Variants in BLTP3A observed in about 807,000 individuals in gnomAD.
The protein encoded by BLTP3A is bridge-like lipid transfer protein family member 3A.
the BLTP3A span, among the ~76,000 whole-genome samples, chr6:34,822,749 C>G: frequency 6.6e-6 from 1 of 150,952 alleles, no homozygotes; most frequent in Non-Finnish European, 1.5e-5. Flanking sequence ...CCCAGCTACT[C>G]GGGAGGCTGG....
At chr6:34,830,424 TA>T in the BLTP3A span, among the ~76,000 whole-genome samples, 2 of 151,428 alleles carry the variant, frequency 1.3e-5, no homozygotes, top group Admixed American at 6.6e-5. Context: ...CCATCTCTAC[TA>T]AAAAAAATAA....
chr6:34,807,631 A>C, the BLTP3A span, among the ~76,000 whole-genome samples: 1 of 152,352 alleles, frequency 6.6e-6, no homozygotes, highest in African/African-American at 2.4e-5. Context: ...AGAGTGCTGC[A>C]AGTCATGGGC....
At chr6:34,793,445 C>T in the BLTP3A span, among the ~76,000 whole-genome samples, 1 of 152,148 alleles carries the variant, frequency 6.6e-6, no homozygotes, top group East Asian at 1.9e-4. Flanking sequence ...ACTGATGTTT[C>T]TTTCTGGGTC....
At chr6:34,806,663 A>G in the BLTP3A span, among the ~76,000 whole-genome samples, 1 of 151,992 alleles carries the variant, frequency 6.6e-6, no homozygotes, top group Non-Finnish European at 1.5e-5. Context: ...TGGATAACCT[A>G]TTCTCCCCCC....
chr6:34,864,080 G>A, the BLTP3A span: 4 of 1,613,900 alleles, frequency 2.5e-6, no homozygotes, highest in African/African-American at 1.3e-5. Flanking sequence ...TTTTCTCCAT[G>A]AAGAGGACGG....
the BLTP3A span, among the ~76,000 whole-genome samples, chr6:34,825,610 G>T: frequency 7.2e-5 from 11 of 152,242 alleles, no homozygotes; most frequent in African/African-American, 2.6e-4. Context: ...TGCAGTCTCC[G>T]GCCTCTTTTC....
chr6:34,849,317 C>T, the BLTP3A span, among the ~76,000 whole-genome samples: 4 of 151,990 alleles, frequency 2.6e-5, no homozygotes, highest in African/African-American at 9.7e-5. Flanking sequence ...GCCACTGTGC[C>T]CAGCCAGTTT....
At chr6:34,816,803 C>T in the BLTP3A span, among the ~76,000 whole-genome samples, 1 of 152,034 alleles carries the variant, frequency 6.6e-6, no homozygotes, top group East Asian at 1.9e-4. Flanking sequence ...TGCGGTTGGA[C>T]AGGAGGAGAC....
chr6:34,864,343 G>T, the BLTP3A span: 1 of 873,850 alleles, frequency 1.1e-6, no homozygotes, highest in Non-Finnish European at 1.7e-6. Flanking sequence ...GAGAGACAGA[G>T]AAATTTTGGT....
the BLTP3A span, chr6:34,876,774 C>G: frequency 6.6e-6 from 1 of 152,254 alleles, no homozygotes; most frequent in East Asian, 1.9e-4. Context: ...TAGGATTATT[C>G]CCATGCACCT....
At chr6:34,792,935 A>C in the BLTP3A span, among the ~76,000 whole-genome samples, 12 of 152,150 alleles carry the variant, frequency 7.9e-5, no homozygotes, top group Non-Finnish European at 1.8e-4. Flanking sequence ...CCCAGCACCC[A>C]GGGCCGTTCC....
chr6:34,844,367 G>T, the BLTP3A span, among the ~76,000 whole-genome samples: 3 of 152,178 alleles, frequency 2.0e-5, no homozygotes, highest in African/African-American at 7.2e-5. Flanking sequence ...CTCTGCCTCT[G>T]GGGTTCAAGC....
At chr6:34,861,273 G>T in the BLTP3A span, among the ~76,000 whole-genome samples, 1 of 151,974 alleles carries the variant, frequency 6.6e-6, no homozygotes. Flanking sequence ...CCACAGGCAT[G>T]CGCCACCACG....
chr6:34,823,453 T>A, the BLTP3A span: 1 of 886,494 alleles, frequency 1.1e-6, no homozygotes, highest in Non-Finnish European at 1.8e-6. Flanking sequence ...AAACTTACAC[T>A]AAAGTAAAGA....
the BLTP3A span, among the ~76,000 whole-genome samples, chr6:34,819,186 G>C: frequency 6.6e-6 from 1 of 150,780 alleles, no homozygotes; most frequent in East Asian, 1.9e-4. Flanking sequence ...TAAGTTTTAG[G>C]GTACATGTGC....
the BLTP3A span, among the ~76,000 whole-genome samples, chr6:34,845,684 C>T: frequency 6.6e-6 from 1 of 151,978 alleles, no homozygotes; most frequent in Non-Finnish European, 1.5e-5. Flanking sequence ...GCAAGCTCCA[C>T]CTCCCAGGTT....
the BLTP3A span, among the ~76,000 whole-genome samples, chr6:34,809,500 C>T: frequency 6.6e-6 from 1 of 152,190 alleles, no homozygotes; most frequent in Non-Finnish European, 1.5e-5. Context: ...TACCAGTCCC[C>T]ATGCATAGTT....
chr6:34,826,392 T>C, the BLTP3A span, among the ~76,000 whole-genome samples: 7 of 151,484 alleles, frequency 4.6e-5, no homozygotes, highest in East Asian at 1.2e-3. Flanking sequence ...AAAGTTTTGC[T>C]TTGTCACCCA....
chr6:34,799,026 C>T, the BLTP3A span, among the ~76,000 whole-genome samples: 1 of 152,028 alleles, frequency 6.6e-6, no homozygotes, highest in Non-Finnish European at 1.5e-5. Flanking sequence ...ACAGCAACCC[C>T]CACCTCCTGG....
Sources: allele counts gnomAD v4.1 joint callset (sites outside exome capture counted in the v4.1 genomes callset), GRCh38; gene constraint gnomAD v4.1.1; transcripts MANE v1.5; gene names NCBI Gene and HGNC (gene_info 2026-07-23, HGNC 2026-07-21).